CLEC12A: variants seen among roughly 807,000 people sequenced by gnomAD.
CLEC12A encodes the protein C-type lectin domain family 12 member A, also known as C-type lectin protein CLL-1.
In CLEC12A, 22 loss-of-function variants were observed where a neutral mutation model predicts 26.5. The ratio of observed to expected loss-of-function variants is 0.83; its 90% confidence interval spans 0.59 to 1.19. The LOEUF is 1.19. CLEC12A is among the 50% of genes most tolerant of loss of function. The pLI, the probability that CLEC12A is intolerant of heterozygous loss-of-function variation, is 0.00. For missense variants in CLEC12A, 353 were observed against 315.6 expected, an observed-to-expected ratio of 1.12 and a Z score of -0.90; for synonymous variants, 119 against 101.9, an observed-to-expected ratio of 1.17 and a Z score of -1.01.
chr12:10,005,077 A>G, the CLEC12A span, among the ~76,000 whole-genome samples: 1 of 152,182 alleles, frequency 6.6e-6, no homozygotes, highest in African/African-American at 2.4e-5. Flanking sequence ...GTACTTTCCA[A>G]TTAAAATTAC....
At chr12:9,975,156 G>T (rs116664705) in intron 1 of CLEC12A, among the ~76,000 whole-genome samples, 2 of 152,048 alleles carry the variant, frequency 1.3e-5, no homozygotes, top group South Asian at 4.1e-4. Flanking sequence ...TTTATCAGTC[G>T]TGTGAAAATG....
chr12:9,996,803 C>T, downstream of CLEC12A: 1 of 1,608,460 alleles, frequency 6.2e-7, no homozygotes. Context: ...TTTGAGGTTT[C>T]TCTTCCTTGC....
chr12:9,970,708 A>T (rs1864095601), upstream of CLEC12A, among the ~76,000 whole-genome samples: 1 of 152,104 alleles, frequency 6.6e-6, no homozygotes, highest in African/African-American at 2.4e-5. Flanking sequence ...CTGTAGAGAG[A>T]TAGCAAGGCT....
intron 5 of CLEC12A, among the ~76,000 whole-genome samples, chr12:9,983,077 C>T (rs919296734): frequency 6.6e-5 from 10 of 152,048 alleles, no homozygotes; most frequent in Non-Finnish European, 1.0e-4. Context: ...TAGGACAGTT[C>T]CATGACTTTG....
intron 1 of CLEC12A, among the ~76,000 whole-genome samples, chr12:9,973,706 AG>A (rs548376748): frequency 1.1e-3 from 171 of 151,794 alleles, no homozygotes; most frequent in Non-Finnish European, 1.9e-3. Flanking sequence ...CTTTCCTTCC[AG>A]ATAGTATTTA....
At chr12:9,987,620 A>T (rs1864798781), downstream of CLEC12A, among the ~76,000 whole-genome samples, 1 of 152,220 alleles carries the variant, frequency 6.6e-6, no homozygotes, top group Non-Finnish European at 1.5e-5. Flanking sequence ...GAAAGGGGAA[A>T]CATCTCCCAG....
chr12:9,993,222 T>A (rs776692567), intron 4 of CLEC12A: 4 of 1,612,822 alleles, frequency 2.5e-6, no homozygotes, highest in Non-Finnish European at 2.5e-6. Context: ...GAAGGTAGGG[T>A]GCATTTTCCC....
At chr12:9,990,607 A>G (rs1457762033) in intron 4 of CLEC12A, among the ~76,000 whole-genome samples, 1 of 152,228 alleles carries the variant, frequency 6.6e-6, no homozygotes, top group Non-Finnish European at 1.5e-5. Flanking sequence ...TTCCTGGTGA[A>G]CATGCTGTGA....
the CLEC12A span, among the ~76,000 whole-genome samples, chr12:10,005,745 C>T: frequency 6.6e-6 from 1 of 151,942 alleles, no homozygotes; most frequent in African/African-American, 2.4e-5. Context: ...AAATAAATTC[C>T]ATCCTATATT....
Position 9,979,392 on chromosome 12 carries a change from G to A in CLEC12A, c.247G>A (p.Glu83Lys). The change falls in exon 3 of 6, where the codon GAA becomes AAA. Residue 83 changes from glutamate (E) to lysine (K), a missense_variant. By Grantham distance (56) the Glu-to-Lys change is moderately conservative (BLOSUM62 1). Transcript: ENST00000304361. The stretch of plus-strand genomic sequence containing the variant: ...AATGAACAAACTACAAAACATCAGT[G>A]AAGAGCTCCAGAGAAATATTTCTCT... ...KKMNKLQNIS[E>K]ELQRNISLQL... The A allele has an allele frequency of 5.0e-6, 8 of 1,609,972 alleles. No individual in the cohort carries two copies. Among genetic ancestry groups the A allele is most frequent in the South Asian group, 3.3e-5 (3 of 90,596 alleles).
downstream of CLEC12A, chr12:9,996,685 A>T: frequency 1.3e-6 from 1 of 755,708 alleles, no homozygotes; most frequent in Non-Finnish European, 2.3e-6. Context: ...GAGTGGATTG[A>T]ATATCTGGGT....
chr12:9,982,441 G>A (rs997351153), intron 5 of CLEC12A, among the ~76,000 whole-genome samples: 2 of 152,034 alleles, frequency 1.3e-5, no homozygotes, highest in Admixed American at 1.3e-4. Flanking sequence ...ATTGTGATAA[G>A]TTCTAGGGTT....
At chr12:9,984,057 TATC>T (rs1241958275) in intron 5 of CLEC12A, 3 of 301,564 alleles carry the variant, frequency 9.9e-6, no homozygotes, top group Non-Finnish European at 2.0e-5. Flanking sequence ...TATTTTCAGT[TATC>T]AAAAAGAAAA....
At chr12:9,986,579 G>A (rs1415224879), downstream of CLEC12A, among the ~76,000 whole-genome samples, 1 of 152,208 alleles carries the variant, frequency 6.6e-6, no homozygotes, top group African/African-American at 2.4e-5. Context: ...GGGAGGCCAA[G>A]GCAGGTGGAT....
chr12:9,967,141 T>C (rs529423368), upstream of CLEC12A, among the ~76,000 whole-genome samples: 42 of 151,210 alleles, frequency 2.8e-4, no homozygotes, highest in South Asian at 8.6e-3. Context: ...CTCGGCCTGG[T>C]GAGGAGGCGA....
chr12:9,954,503 T>A (rs1228094646), intron 1 of CLEC12A, among the ~76,000 whole-genome samples: 1 of 150,870 alleles, frequency 6.6e-6, no homozygotes, highest in Non-Finnish European at 1.5e-5. Context: ...AAAAAAAAAA[T>A]AATCAAACTA....
chr12:9,982,388 T>C (rs1220055283), intron 5 of CLEC12A, among the ~76,000 whole-genome samples: 5 of 151,966 alleles, frequency 3.3e-5, no homozygotes, highest in Admixed American at 6.6e-5. Flanking sequence ...CTAAGAAAAA[T>C]TGTGGAAGCC....
intron 1 of CLEC12A, among the ~76,000 whole-genome samples, chr12:9,972,298 A>G (rs1864161313): frequency 6.6e-6 from 1 of 152,250 alleles, no homozygotes; most frequent in African/African-American, 2.4e-5. Context: ...CATAATATTC[A>G]AAACCACATT....
chr12:9,998,443 ACCCCTG>A (rs1036892432), downstream of CLEC12A: 3 of 1,258,102 alleles, frequency 2.4e-6, no homozygotes, highest in East Asian at 4.7e-5. Flanking sequence ...GGGAAGGCTC[ACCCCTG>A]CCCCTGCCCC....
Sources: gnomAD v4.1 joint callset for allele counts (sites outside exome capture counted in the v4.1 genomes callset) on GRCh38, gnomAD v4.1.1 for gene constraint, MANE v1.5 for transcripts, NCBI Gene and HGNC (gene_info 2026-07-23, HGNC 2026-07-21) for gene names.